The following TF variants were observed in gnomAD, a reference collection of about 807,000 sequenced individuals.
TF encodes transferrin.
Under a neutral mutation model 82.4 loss-of-function variants are expected in TF, and 55 were observed. The ratio of observed to expected loss-of-function variants is 0.67; its 90% CI spans 0.54 to 0.84. TF has a LOEUF of 0.84. TF is among the 40% of genes least tolerant of loss of function. TF has a pLI of 0.00. For missense variants in TF, 737 were observed against 868.4 expected (o/e 0.85, Z 1.90); for synonymous variants, 332 against 332.6 (o/e 1.00, Z 0.02).
intron 8 of TF, 48 bp downstream of exon 8, chr3:133,757,994 G>C: frequency 6.3e-7 from 1 of 1,591,514 alleles, no homozygotes; most frequent in Non-Finnish European, 8.6e-7. Flanking sequence ...TGGGAAACCT[G>C]GTGAGCACAG....
chr3:133,672,115 A>T, the TF span, among the ~76,000 whole-genome samples: 43 of 152,216 alleles, frequency 2.8e-4, no homozygotes, highest in African/African-American at 1.2e-4. Context: ...TGAAAATTAG[A>T]TAAAATGGAC....
At chr3:133,687,200 T>A in the TF span, among the ~76,000 whole-genome samples, 2 of 151,380 alleles carry the variant, frequency 1.3e-5, no homozygotes, top group Non-Finnish European at 2.9e-5. Context: ...TGTTTTGGAG[T>A]GGGGGGAGGG....
chr3:133,793,190 CAA>C lies in TF; in HGVS notation c.*14571_*14572del, dbSNP rs1187845274. 1.3e-5 allele frequency: 2 copies of C among 152,050 alleles called. No homozygotes were observed. Among genetic ancestry groups the C allele is most frequent in the African/African-American group, 2.4e-5 (1 of 41,412 alleles). The allele number at this position is 152,050 out of a possible 1,614,324, so 9.4% of individuals were successfully genotyped here. ...CCACCAAAAAAAAGGAAGGGAAAGACAAGAGACAGATTGTTTGTAAAGTAAGT... is the reference window on the plus strand; with the variant it reads ...CCACCAAAAAAAAGGAAGGGAAAGACGAGACAGATTGTTTGTAAAGTAAGT... On this transcript the variant is annotated 3_prime_UTR_variant, in exon 17 of 17. Transcript: ENST00000402696.
intron 14 of TF, among the ~76,000 whole-genome samples, chr3:133,771,171 C>T (rs1934248703): frequency 6.6e-6 from 1 of 152,182 alleles, no homozygotes; most frequent in Non-Finnish European, 1.5e-5. Flanking sequence ...GAGCCTAGAA[C>T]AACACACTGA....
At chr3:133,763,096 T>A (rs2107922836) in intron 9 of TF, among the ~76,000 whole-genome samples, 1 of 152,356 alleles carries the variant, frequency 6.6e-6, no homozygotes, top group African/African-American at 2.4e-5. Flanking sequence ...TAAGGAGTTT[T>A]CTGAATCATA....
At chr3:133,726,582 A>C in the TF span, among the ~76,000 whole-genome samples, 2 of 151,760 alleles carry the variant, frequency 1.3e-5, no homozygotes, top group Non-Finnish European at 2.9e-5. Context: ...TGGTCTATCA[A>C]TTTTGTTGAT....
intron 2 of TF, among the ~76,000 whole-genome samples, chr3:133,749,068 G>A (rs184948584): frequency 6.6e-6 from 1 of 152,286 alleles, no homozygotes; most frequent in East Asian, 1.9e-4. Context: ...GGCTGAGGCA[G>A]GAGAATCACT....
chr3:133,747,398 GA>G, intron 1 of TF: 1 of 152,418 alleles, frequency 6.6e-6, no homozygotes, highest in Non-Finnish European at 1.5e-5. Flanking sequence ...GGCCAAGAGG[GA>G]AAATGGGGGT....
chr3:133,769,271 AATTCAC>A (rs1229855243), intron 13 of TF, among the ~76,000 whole-genome samples: 3 of 152,214 alleles, frequency 2.0e-5, no homozygotes, highest in Admixed American at 2.0e-4. Context: ...GATTAAGTAC[AATTCAC>A]ATTCCCCAAG....
At chr3:133,684,746 C>T in the TF span, among the ~76,000 whole-genome samples, 2 of 152,126 alleles carry the variant, frequency 1.3e-5, no homozygotes, top group Non-Finnish European at 2.9e-5. Flanking sequence ...CAGGACCAGA[C>T]GGATTCACAG....
the TF span, among the ~76,000 whole-genome samples, chr3:133,682,859 C>T: frequency 6.6e-6 from 1 of 152,258 alleles, no homozygotes; most frequent in African/African-American, 2.4e-5. Flanking sequence ...ACAGAGAATG[C>T]CACAAAGATA....
the TF span, among the ~76,000 whole-genome samples, chr3:133,692,386 G>A: frequency 1.3e-5 from 2 of 152,300 alleles, no homozygotes; most frequent in Admixed American, 6.5e-5. Flanking sequence ...CCTTTACTTC[G>A]TGTTTGAGCT....
chr3:133,699,711 T>C, the TF span: 1 of 419,610 alleles, frequency 2.4e-6, no homozygotes, highest in South Asian at 1.8e-5. Flanking sequence ...CTTGTCATTC[T>C]GGAAGTCCTG....
In TF at chr3:133,780,360, A is replaced by C. The variant is rs535565323; in HGVS notation, c.*1740A>C. The C allele has an allele frequency of 2.0e-5, 3 of 152,346 alleles. No homozygotes were observed. The highest frequency in any genetic ancestry group is 7.2e-5 in the African/African-American group (3 of 41,592). 9.4% of individuals were successfully genotyped at this position (152,346 alleles called of 1,614,324 possible). ...GGATCAATAAACCTAATTTTATTAC[A>C]CTACAGGTATATTCCTGGAAGTCTT... On this transcript the variant is annotated 3_prime_UTR_variant, in exon 17 of 17. Transcript: ENST00000402696.
In TF at chr3:133,793,062, C is replaced by G. The variant is rs1934879980; in HGVS notation, c.*14442C>G. Reference sequence around the variant, plus strand: ...AATTGGGGTTGACATTAATAGCACACTAATGCAAGGGTGAAATTTGGCTTT... The same window carrying G: ...AATTGGGGTTGACATTAATAGCACAGTAATGCAAGGGTGAAATTTGGCTTT... On this transcript the variant is annotated 3_prime_UTR_variant, in exon 17 of 17. Transcript: ENST00000402696. 6.6e-6 allele frequency: 1 copy of G among 152,100 alleles called. No homozygotes were observed. The highest frequency in any genetic ancestry group is 2.4e-5 in the African/African-American group (1 of 41,410). 9.4% of individuals were successfully genotyped at this position (152,100 alleles called of 1,614,324 possible). A position where few individuals can be genotyped will look rare whatever the true frequency, so the allele number is the denominator to read the frequency against.
At chr3:133,673,788 G>A in the TF span, among the ~76,000 whole-genome samples, 4 of 152,152 alleles carry the variant, frequency 2.6e-5, no homozygotes, top group Non-Finnish European at 5.9e-5. Context: ...TAATTAAGCC[G>A]TACATTTATT....
chr3:133,728,968 G>T, the TF span, among the ~76,000 whole-genome samples: 1 of 152,268 alleles, frequency 6.6e-6, no homozygotes, highest in South Asian at 2.1e-4. Flanking sequence ...GCAGAACAGC[G>T]GATTTTTGTG....
chr3:133,739,254 C>G, the TF span, among the ~76,000 whole-genome samples: 2 of 152,252 alleles, frequency 1.3e-5, no homozygotes, highest in Admixed American at 1.3e-4. Flanking sequence ...GGAAAACAGG[C>G]TAGCCATATG....
chr3:133,686,446 C>T, the TF span, among the ~76,000 whole-genome samples: 3 of 152,014 alleles, frequency 2.0e-5, no homozygotes, highest in Non-Finnish European at 4.4e-5. Flanking sequence ...TGCAATCTAC[C>T]CATCTGACAA....
Sources: allele counts gnomAD v4.1 joint callset (sites outside exome capture counted in the v4.1 genomes callset), GRCh38; gene constraint gnomAD v4.1.1; transcripts MANE v1.5; gene names NCBI Gene and HGNC (gene_info 2026-07-23, HGNC 2026-07-21).